ZNF34: variants seen among roughly 807,000 people sequenced by gnomAD.
ZNF34 encodes zinc finger protein 34 (KOX 32).
In ZNF34, 8 loss-of-function variants were observed where a neutral mutation model predicts 14.4. That is an observed-to-expected ratio of 0.55 (90% CI 0.33 to 1.00). The LOEUF (loss-of-function observed/expected upper bound fraction) is 1.00. Ranked by LOEUF, ZNF34 falls within the 50% of genes least tolerant of loss-of-function variation. ZNF34 has a pLI of 0.03. For synonymous variants in ZNF34, 235 were observed against 247.9 expected (o/e 0.95, Z 0.49); for missense variants, 538 against 674.2 (o/e 0.80, Z 2.24).
In ZNF34 at chr8:144,773,101, G is replaced by T; in HGVS notation, c.*165C>A. 2.7e-6 allele frequency: 2 copies of T among 737,710 alleles called. No individual in the cohort carries two copies. The highest frequency in any genetic ancestry group is 4.0e-6 in the Non-Finnish European group (2 of 497,774). 45.7% of individuals were successfully genotyped at this position (737,710 alleles called of 1,614,324 possible). A position where few individuals can be genotyped will look rare whatever the true frequency, so the allele number is the denominator to read the frequency against. ...TTTTCTGTCTCAATTTCTCTAAAAT[G>T]AACATGCACTGCTTTTGATTTAAGA... On this transcript the variant is annotated 3_prime_UTR_variant, in exon 6 of 6. Coordinates refer to ENST00000429371, the MANE Select transcript of ZNF34 (RefSeq NM_001286769.2). This position sits in a 1 kb window ranked among gnomAD's most constrained non-coding sequence, Gnocchi z 5.4.
Position 144,774,406 on chromosome 8 carries a change from G to A in ZNF34, c.480C>T (p.Asn160=). 1.2e-6 allele frequency: 2 copies of A among 1,613,830 alleles called. No individual in the cohort carries two copies. Among genetic ancestry groups the A allele is most frequent in the South Asian group, 1.1e-5 (1 of 91,064 alleles). ...GAACAGGTCTTGACAGCAACCTGAGGTTTCCCCCAGACTCCCTGCTGCTCT... is the reference window on the plus strand; with the variant it reads ...GAACAGGTCTTGACAGCAACCTGAGATTTCCCCCAGACTCCCTGCTGCTCT... ...NGESSRESGG[N]LRLLSRPVPD... The change falls in exon 6 of 6, where the codon AAC becomes AAT. Residue 160 remains asparagine, a synonymous_variant. Coordinates refer to ENST00000429371, the MANE Select transcript of ZNF34 (RefSeq NM_001286769.2).
intron 1 of ZNF34, among the ~76,000 whole-genome samples, chr8:144,780,743 C>A (rs985750032): frequency 6.6e-6 from 1 of 151,764 alleles, no homozygotes; most frequent in East Asian, 1.9e-4. Context: ...GAGCCGAGAT[C>A]GCGCCATCGC....
intron 5 of ZNF34, among the ~76,000 whole-genome samples, chr8:144,775,092 G>T (rs1418862539): frequency 6.6e-6 from 1 of 152,250 alleles, no homozygotes; most frequent in Non-Finnish European, 1.5e-5. Context: ...GAAGCACTCA[G>T]CCCAGTGCCC....
rs753638427 is a variant in ZNF34 at position 144,774,648 on chromosome 8, T to C, written c.281-43A>G. On this transcript the variant is annotated intron_variant, in intron 5 of 5. Coordinates refer to ENST00000429371, the MANE Select transcript of ZNF34 (RefSeq NM_001286769.2). ...ACATCTAAGGGTCACCTGCTCTGACTCTGGAAGGTAGGCATGAGATGCTGC... is the reference window on the plus strand; with the variant it reads ...ACATCTAAGGGTCACCTGCTCTGACCCTGGAAGGTAGGCATGAGATGCTGC... The C allele has an allele frequency of 5.8e-6, 9 of 1,558,944 alleles. No individual in the cohort carries two copies. The African/African-American group carries it at 1.2e-4, about 21-fold the overall frequency.
chr8:144,786,937 G>A (rs34838254), intron 1 of ZNF34, among the ~76,000 whole-genome samples: 20,654 of 152,060 alleles, frequency 0.14, 1,826 homozygotes, highest in Middle Eastern at 0.22. Context: ...GGAAGCCTCG[G>A]GCCGCTGGGA....
chr8:144,778,603 A>G (rs972459406), intron 2 of ZNF34, 78 bp from the exon 3 acceptor site: 25 of 1,203,548 alleles, frequency 2.1e-5, no homozygotes, highest in Non-Finnish European at 2.7e-5. Context: ...GTGCTGCCAT[A>G]AACAGCCCTG....
At chr8:144,778,308 G>C (rs899563585) in intron 3 of ZNF34, 131 bp downstream of exon 3, 64 of 1,387,360 alleles carry the variant, frequency 4.6e-5, no homozygotes, top group Non-Finnish European at 6.0e-5. Flanking sequence ...CATCCCAAGG[G>C]GTGGCTGCAT....
In ZNF34 at chr8:144,774,293, G is replaced by T. The variant is rs1483818114; in HGVS notation, c.593C>A (p.Ser198Ter). The change falls in exon 6 of 6, where the codon TCA becomes TAA. Residue 198 changes from serine (S) to a stop codon, truncating the protein, a stop_gained. Transcript: ENST00000429371. LOFTEE classifies it low-confidence loss of function (END_TRUNC). ...GTTACGAACTGTATTTGTTTTTTTT[G>T]ACCTGTGTACACGCTTATGGTTGTT... ...YLNNHKRVHRSKKTNTVRNSG... is the reference protein window; with the variant it reads ...YLNNHKRVHR 2 of 1,612,438 alleles carry T rather than the reference G, an allele frequency of 1.2e-6. No individual in the cohort carries two copies. Among genetic ancestry groups the T allele is most frequent in the South Asian group, 1.1e-5 (1 of 90,926 alleles).
rs1825969156 is a variant in ZNF34 at position 144,782,779 on chromosome 8, G to C, written c.-107-2499C>G. ...TTGAGCCCAGGAGGCAGAAGCTGCA[G>C]TGAATCAAGATCGTACCACTGCACT... On this transcript the variant is annotated intron_variant, in intron 1 of 5. Transcript: ENST00000429371. 2.4e-5 allele frequency among the ~76,000 whole-genome samples: 3 copies of C among 124,048 alleles called. 1 individual carries two copies. The South Asian group carries it at 8.7e-4, about 36-fold the overall frequency. 81.4% of individuals were successfully genotyped at this position (124,048 alleles called of 152,430 possible). A position where few individuals can be genotyped will look rare whatever the true frequency, so the allele number is the denominator to read the frequency against.
intron 2 of ZNF34, among the ~76,000 whole-genome samples, 194 bp downstream of exon 2, chr8:144,780,026 CAAAAAAAA>C (rs10710060): frequency 2.0e-5 from 2 of 101,654 alleles, no homozygotes; most frequent in African/African-American, 7.5e-5. Context: ...TTAATGCTAC[CAAAAAAAA>C]AAAAAAAAAA....
At chr8:144,780,564 G>A (rs542407565) in intron 1 of ZNF34, among the ~76,000 whole-genome samples, 96 of 152,162 alleles carry the variant, frequency 6.3e-4, no homozygotes, top group African/African-American at 2.3e-3. Flanking sequence ...GAGGCGGGTG[G>A]ATCACCTGAG....
At chr8:144,786,042 T>C (rs902828710) in intron 1 of ZNF34, among the ~76,000 whole-genome samples, 1 of 142,196 alleles carries the variant, frequency 7.0e-6, no homozygotes, top group East Asian at 2.2e-4. Flanking sequence ...TGGAGAGCAG[T>C]GGCGGGATCT....
In ZNF34 at chr8:144,773,000, G is replaced by A. The variant is rs2130180786; in HGVS notation, c.*266C>T. On this transcript the variant is annotated 3_prime_UTR_variant, in exon 6 of 6. Coordinates refer to ENST00000429371, the MANE Select transcript of ZNF34 (RefSeq NM_001286769.2). ...TTTAAAATGCTCTCCAGTATGTCTC[G>A]AAAATATTCGTAAATCAGCAGCAAT... The A allele has an allele frequency of 2.7e-6, 1 of 376,418 alleles. No homozygotes were observed. Among genetic ancestry groups the A allele is most frequent in the East Asian group, 4.4e-5 (1 of 22,834 alleles). The allele number at this position is 376,418 out of a possible 1,614,324, so 23.3% of individuals were successfully genotyped here. A position where few individuals can be genotyped will look rare whatever the true frequency, so the allele number is the denominator to read the frequency against.
rs1825598044 is a variant in ZNF34, at chr8:144,777,542, A to C, written c.196T>G (p.Ser66Ala). ...GPAGPKPGVISQLERGDEPWV... is the reference protein window; with the variant it reads ...GPAGPKPGVIAQLERGDEPWV... Reference sequence around the variant, plus strand: ...GGCTCATCCCCTCGCTCCAACTGCGAGATCACTCCAGGCTTGGGGCCTGCA... The same window carrying C: ...GGCTCATCCCCTCGCTCCAACTGCGCGATCACTCCAGGCTTGGGGCCTGCA... Residue 66 changes from serine (S) to alanine (A), a missense_variant, in exon 5 of 6, where the codon TCG becomes GCG. By Grantham distance (99) the Ser-to-Ala change is moderately conservative. This residue lies in a region of ZNF34 where 431 missense variants were observed against 525.7 expected (regional missense o/e 0.82). Coordinates refer to ENST00000429371, the MANE Select transcript of ZNF34 (RefSeq NM_001286769.2). This position sits in a 1 kb window ranked among gnomAD's most constrained non-coding sequence, Gnocchi z 4.8. 6.4e-7 allele frequency: 1 copy of C among 1,553,418 alleles called. No individual in the cohort carries two copies. Among genetic ancestry groups the C allele is most frequent in the Non-Finnish European group, 8.7e-7 (1 of 1,148,070 alleles).
At chr8:144,784,967 A>G (rs1024028648) in intron 1 of ZNF34, among the ~76,000 whole-genome samples, 9 of 151,706 alleles carry the variant, frequency 5.9e-5, no homozygotes, top group Non-Finnish European at 1.3e-4. Context: ...TACAAAAATT[A>G]GCCAACGTGG....
At chr8:144,784,126 C>G (rs2130319235) in intron 1 of ZNF34, among the ~76,000 whole-genome samples, 1 of 150,868 alleles carries the variant, frequency 6.6e-6, no homozygotes, top group Middle Eastern at 3.4e-3. Flanking sequence ...CACCACTGCA[C>G]TCCATCGTGG....
rs777861170 is a variant in ZNF34, at chr8:144,773,986, G to A, written c.900C>T (p.Asn300=). 15 of 1,614,002 alleles carry A rather than the reference G, an allele frequency of 9.3e-6. No homozygotes were observed. The highest frequency in any genetic ancestry group is 1.2e-5 in the Non-Finnish European group (14 of 1,180,018). ...ECGKTFTRRP[N]LMKHQRIHTG... is the part of the protein sequence containing the mutation. ...TGTGAATCCTCTGGTGCTTCATGAG[G>A]TTGGGCCTCCGGGTGAATGTCTTCC... The change falls in exon 6 of 6, where the codon AAC becomes AAT. Residue 300 remains asparagine (N), a synonymous_variant. Coordinates refer to ENST00000429371, the MANE Select transcript of ZNF34 (RefSeq NM_001286769.2). This position sits in a 1 kb window ranked among gnomAD's most constrained non-coding sequence, Gnocchi z 5.4.
intron 5 of ZNF34, among the ~76,000 whole-genome samples, chr8:144,776,996 A>G (rs1825563644): frequency 6.6e-6 from 1 of 152,062 alleles, no homozygotes; most frequent in South Asian, 2.1e-4. Flanking sequence ...ATATACTACA[A>G]CACAACTATG....
chr8:144,777,649 G>A lies in ZNF34; in HGVS notation c.161-72C>T, dbSNP rs986603590. ...GCACCTAGTGCTGTCTCACCCTGGGGCTGCAGGGTAAGGGAGGCACAGGCA... is the reference window on the plus strand; with the variant it reads ...GCACCTAGTGCTGTCTCACCCTGGGACTGCAGGGTAAGGGAGGCACAGGCA... On this transcript the variant is annotated intron_variant, in intron 4 of 5. Coordinates refer to ENST00000429371, the MANE Select transcript of ZNF34 (RefSeq NM_001286769.2). This position sits in a 1 kb window ranked among gnomAD's most constrained non-coding sequence, Gnocchi z 4.8. 9.9e-6 allele frequency: 15 copies of A among 1,519,286 alleles called. No individual in the cohort carries two copies. Among genetic ancestry groups the A allele is most frequent in the Non-Finnish European group, 9.7e-6 (11 of 1,128,946 alleles). The allele number at this position is 1,519,286 out of a possible 1,614,324, so 94.1% of individuals were successfully genotyped here. A position where few individuals can be genotyped will look rare whatever the true frequency, so the allele number is the denominator to read the frequency against.
Sources: allele counts gnomAD v4.1 joint callset (sites outside exome capture counted in the v4.1 genomes callset), GRCh38; gene constraint gnomAD v4.1.1; regional missense constraint gnomAD v4.1.1; non-coding constraint Gnocchi (gnomAD v3.1); transcripts MANE v1.5; gene names NCBI Gene and HGNC (gene_info 2026-07-23, HGNC 2026-07-21).